The following DCAF17 variants were observed in gnomAD, a reference collection of about 807,000 sequenced individuals.
DCAF17 encodes the protein DDB1- and CUL4-associated factor 17.
Under a neutral mutation model 66.0 loss-of-function variants are expected in DCAF17, and 48 were observed. That is an observed-to-expected ratio of 0.73 (90% CI 0.58 to 0.92). DCAF17 has a LOEUF of 0.92. Ranked by LOEUF, DCAF17 falls within the 40% of genes least tolerant of loss-of-function variation. The probability of loss-of-function intolerance (pLI) is 0.00; values close to 1 mark genes in which losing one functional copy is unlikely to be tolerated. For missense variants in DCAF17, 562 were observed against 622.8 expected, an observed-to-expected ratio of 0.90 and a Z score of 1.04; for synonymous variants, 206 against 214.6, an observed-to-expected ratio of 0.96 and a Z score of 0.35.
chr2:171,474,272 A>G (rs947720236), intron 10 of DCAF17: 3 of 387,220 alleles, frequency 7.7e-6, no homozygotes, highest in African/African-American at 6.2e-5. Flanking sequence ...TTAATAAGAA[A>G]GAAGAGTATT....
At position 171,434,558 on chromosome 2, in the gene DCAF17, A is replaced by T; in HGVS notation, c.-20A>T. 1 of 1,525,180 alleles carries T rather than the reference A, an allele frequency of 6.6e-7. No individual in the cohort carries two copies. Among genetic ancestry groups the T allele is most frequent in the South Asian group, 1.2e-5 (1 of 83,506 alleles). 94.5% of individuals were successfully genotyped at this position (1,525,180 alleles called of 1,614,324 possible). On this transcript the variant is annotated 5_prime_UTR_variant, in exon 1 of 14. Transcript: ENST00000375255. The stretch of plus-strand genomic sequence containing the variant: ...CGCCACTCGGCGGCCCAGCCTACCC[A>T]GGGCCCGGCCCGCGCCTCCATGGGC...
At position 171,446,841 on chromosome 2, in the gene DCAF17, T is replaced by A. The variant is rs530410030; in HGVS notation, c.322-1840T>A. Among the ~76,000 whole-genome samples the A allele has an allele frequency of 1.7e-4, 26 of 152,160 alleles. 1 individual carries two copies. Among genetic ancestry groups the A allele is most frequent in the Non-Finnish European group, 3.8e-4 (26 of 68,008 alleles). On this transcript the variant is annotated intron_variant, in intron 3 of 13. Coordinates refer to ENST00000375255, the MANE Select transcript of DCAF17 (RefSeq NM_025000.4). ...AGAAAATGTTAAATAGAAAATATTA[T>A]GAAATTTTAATAAGATGTTTCAGAT...
intron 6 of DCAF17, among the ~76,000 whole-genome samples, chr2:171,454,653 T>C (rs1000907472): frequency 1.3e-5 from 2 of 152,042 alleles, no homozygotes; most frequent in African/African-American, 4.8e-5. Context: ...TTTCAGCACT[T>C]TGGGAGGCTG....
intron 8 of DCAF17, among the ~76,000 whole-genome samples, chr2:171,463,491 G>C (rs1695720229): frequency 6.6e-6 from 1 of 152,216 alleles, no homozygotes; most frequent in South Asian, 2.1e-4. Flanking sequence ...ATCAAAGGAA[G>C]ACTTAGTTTT....
intron 6 of DCAF17, among the ~76,000 whole-genome samples, 168 bp downstream of exon 6, chr2:171,453,381 C>T (rs577314171): frequency 6.6e-6 from 1 of 152,240 alleles, no homozygotes; most frequent in African/African-American, 2.4e-5. Context: ...TGCCTAATAT[C>T]CCTTCATCTT....
In DCAF17 at chr2:171,458,403, C is replaced by T; in HGVS notation, c.764C>T (p.Ala255Val). 1 of 1,613,938 alleles carries T rather than the reference C, an allele frequency of 6.2e-7. No individual in the cohort carries two copies. The highest frequency in any genetic ancestry group is 8.5e-7 in the Non-Finnish European group (1 of 1,179,948). Residue 255 changes from alanine (A) to valine (V), a missense_variant, in exon 8 of 14, where the codon GCA (alanine) becomes GTA (valine). Physicochemically the swap from Ala to Val is moderately conservative, Grantham distance 64 (BLOSUM62 0). Around this residue, in one of 3 missense-constraint regions of DCAF17, gnomAD observed 348 missense variants for 355.9 expected, o/e 0.98. Coordinates refer to ENST00000375255, the MANE Select transcript of DCAF17 (RefSeq NM_025000.4). ...CAACAGAAACTTGACTTAGGGTGTG[C>T]ATGCAGATGGGGTGGGACTACTGGA... ...FMQQKLDLGCACRWGGTTGTV... is the reference protein window; with the variant it reads ...FMQQKLDLGCVCRWGGTTGTV...
At chr2:171,476,742 G>T (rs1696514346) in intron 10 of DCAF17, 118 bp from the exon 11 acceptor site, 7 of 714,962 alleles carry the variant, frequency 9.8e-6, no homozygotes, top group Middle Eastern at 7.1e-4. Flanking sequence ...CTAATCAAGA[G>T]AACTACCTCA....
rs1219328567 is a variant in DCAF17 at position 171,481,069 on chromosome 2, A to G, written c.1518A>G (p.Ile506Met). Residue 506 changes from isoleucine to methionine, a missense_variant, in exon 14 of 14, where the codon ATA becomes ATG. This residue lies in a region of DCAF17 where 201 missense variants were observed against 231.1 expected (regional missense o/e 0.87). Transcript: ENST00000375255. ...TCAGCTGCTATGTTTACCAGATGAT[A>G]TGTGACACTGGGGAAGAAGAAGAAA... Reference protein sequence around the residue: ...RVFSCYVYQMICDTGEEEETI... With the variant: ...RVFSCYVYQMMCDTGEEEETI... 1 of 1,613,814 alleles carries G rather than the reference A, an allele frequency of 6.2e-7. No homozygotes were observed. The highest frequency in any genetic ancestry group is 8.5e-7 in the Non-Finnish European group (1 of 1,179,720).
intron 5 of DCAF17, 75 bp downstream of exon 5, chr2:171,450,032 A>G: frequency 2.4e-6 from 3 of 1,248,932 alleles, no homozygotes; most frequent in Non-Finnish European, 3.5e-6. Context: ...GTTATGAAAA[A>G]TCTAATGATC....
At chr2:171,440,343 A>C (rs116148396) in intron 2 of DCAF17, among the ~76,000 whole-genome samples, 2 of 152,134 alleles carry the variant, frequency 1.3e-5, no homozygotes, top group Non-Finnish European at 2.9e-5. Context: ...TTGGAGGCCA[A>C]CGTCTGGGGT....
At chr2:171,450,982 C>T (rs1694918744) in intron 5 of DCAF17, among the ~76,000 whole-genome samples, 1 of 151,612 alleles carries the variant, frequency 6.6e-6, no homozygotes, top group Admixed American at 6.6e-5. Context: ...AGTAAGCTGC[C>T]CCTTCTTGAA....
At chr2:171,439,718 A>G (rs145669607) in intron 2 of DCAF17, among the ~76,000 whole-genome samples, 1,717 of 152,004 alleles carry the variant, frequency 0.011, 34 homozygotes, top group Admixed American at 0.047. Flanking sequence ...ACTTGAGGCT[A>G]GGAGTTCGAC....
chr2:171,453,135 A>G lies in DCAF17; in HGVS notation c.549A>G (p.Gln183=), dbSNP rs1264085076. ...GTCTTTCCTTCTAGGCAGGCATTCA[A>G]CAACATGTTTTGCTGTACCTTGCAG... ...GSAVARQAGI[Q]QHVLLYLAVF... The change falls in exon 6 of 14, where the codon CAA becomes CAG. Residue 183 remains glutamine (Q), a synonymous_variant. Coordinates refer to ENST00000375255, the MANE Select transcript of DCAF17 (RefSeq NM_025000.4). 24 of 1,608,760 alleles carry G rather than the reference A, an allele frequency of 1.5e-5. No homozygotes were observed. Among genetic ancestry groups the G allele is most frequent in the Admixed American group, 3.4e-5 (2 of 59,328 alleles).
At chr2:171,442,978 T>G (rs1416604503) in intron 2 of DCAF17, among the ~76,000 whole-genome samples, 3 of 152,014 alleles carry the variant, frequency 2.0e-5, no homozygotes, top group Non-Finnish European at 4.4e-5. Context: ...GATATAGCAT[T>G]CAATATTGGC....
At chr2:171,474,067 T>G in intron 10 of DCAF17, 92 bp downstream of exon 10, 2 of 1,003,804 alleles carry the variant, frequency 2.0e-6, no homozygotes, top group Non-Finnish European at 3.1e-6. Flanking sequence ...AGTGAGCCAA[T>G]TAATGGAAAT....
At chr2:171,468,452 C>A (rs1696050209) in intron 8 of DCAF17, among the ~76,000 whole-genome samples, 1 of 152,116 alleles carries the variant, frequency 6.6e-6, no homozygotes, top group Admixed American at 6.6e-5. Context: ...AGATCTCTTC[C>A]TCACATTTGA....
intron 2 of DCAF17, among the ~76,000 whole-genome samples, chr2:171,436,931 C>T (rs1418413587): frequency 1.3e-5 from 2 of 151,972 alleles, no homozygotes; most frequent in African/African-American, 4.8e-5. Flanking sequence ...TGCGCCACCA[C>T]GCCTGGCTAA....
chr2:171,454,618 C>G (rs999221272), intron 6 of DCAF17, among the ~76,000 whole-genome samples: 2 of 152,000 alleles, frequency 1.3e-5, no homozygotes, highest in South Asian at 2.1e-4. Flanking sequence ...TTGAATTGGC[C>G]TGGTGCAGTG....
chr2:171,479,846 T>G lies in DCAF17; in HGVS notation c.1267-192T>G. On this transcript the variant is annotated intron_variant, in intron 12 of 13. Coordinates refer to ENST00000375255, the MANE Select transcript of DCAF17 (RefSeq NM_025000.4). ...AATCTGTAGGATACTGCTTAACTCT[T>G]GAAAATCTTGGAGCTGATGTTTTAC... 9 of 602,230 alleles carry G rather than the reference T, an allele frequency of 1.5e-5. No individual in the cohort carries two copies. In the South Asian group the frequency reaches 1.8e-4, roughly 12 times the overall value. 37.3% of individuals were successfully genotyped at this position (602,230 alleles called of 1,614,324 possible).
Sources: allele counts gnomAD v4.1 joint callset (sites outside exome capture counted in the v4.1 genomes callset), GRCh38; gene constraint gnomAD v4.1.1; regional missense constraint gnomAD v4.1.1; transcripts MANE v1.5; gene names NCBI Gene and HGNC (gene_info 2026-07-23, HGNC 2026-07-21).